Variants in GNB5 observed in about 807,000 individuals in gnomAD.
The protein encoded by GNB5 is guanine nucleotide-binding protein subunit beta-5.
A neutral mutation model predicts 55.3 loss-of-function variants in GNB5; 37 were observed. That is an observed-to-expected ratio of 0.67 (90% CI 0.51 to 0.88). GNB5 has a LOEUF of 0.88. GNB5 is among the 40% of genes least tolerant of loss of function. GNB5 has a pLI of 0.00. For synonymous variants in GNB5, 219 were observed against 198.5 expected (o/e 1.10, Z -0.87); for missense variants, 476 against 515.3 (o/e 0.92, Z 0.74).
At chr15:52,128,931 C>A in intron 9 of GNB5, 3 of 323,790 alleles carry the variant, frequency 9.3e-6, no homozygotes, top group Non-Finnish European at 1.8e-5. Context: ...CAGCTGTGTT[C>A]CCCACACCTT....
At position 52,149,938 on chromosome 15, in the gene GNB5, G is replaced by A. The variant is rs1422441798; in HGVS notation, c.376-13C>T. The A allele has an allele frequency of 2.5e-6, 4 of 1,604,144 alleles. No individual in the cohort carries two copies. In the Admixed American group the frequency reaches 5.0e-5, roughly 20 times the overall value. On this transcript the variant is annotated splice_polypyrimidine_tract_variant and intron_variant, in intron 4 of 12. Transcript: ENST00000261837. ...TCACCTTCCCATCCTGGAGGGAGAA[G>A]AGCAAACAGTTTAGGGGTTGTCAAG...
At chr15:52,183,588 G>C (rs1190587720) in intron 2 of GNB5, among the ~76,000 whole-genome samples, 1 of 152,182 alleles carries the variant, frequency 6.6e-6, no homozygotes, top group Non-Finnish European at 1.5e-5. Flanking sequence ...GGTTACAGTG[G>C]AATCAGGAGG....
chr15:52,185,506 G>C (rs1280665122), intron 1 of GNB5, among the ~76,000 whole-genome samples: 3 of 152,148 alleles, frequency 2.0e-5, no homozygotes, highest in African/African-American at 7.2e-5. Context: ...AGCAATAGCG[G>C]GAACAGTGGC....
intron 7 of GNB5, 137 bp from the exon 8 acceptor site, chr15:52,135,893 A>ACACACACACACACACACACACACACC (rs1431967062): frequency 3.0e-6 from 2 of 670,716 alleles, no homozygotes; most frequent in African/African-American, 4.2e-5. Flanking sequence ...ACACACACAC[A>ACACACACACACACACACACACACACC]CCCTACCTGC....
At chr15:52,173,809 A>G (rs972110959) in intron 3 of GNB5, among the ~76,000 whole-genome samples, 23 of 152,172 alleles carry the variant, frequency 1.5e-4, no homozygotes, top group African/African-American at 5.6e-4. Flanking sequence ...TCTATAAGGG[A>G]CAGGGCTGTT....
At chr15:52,174,858 G>T (rs576642374) in intron 3 of GNB5, among the ~76,000 whole-genome samples, 13 of 152,146 alleles carry the variant, frequency 8.5e-5, no homozygotes, top group African/African-American at 3.1e-4. Flanking sequence ...GAGGCGGGTG[G>T]ATCACCTAAA....
At chr15:52,149,832 A>C in intron 5 of GNB5, 52 bp downstream of exon 5, 2 of 1,386,202 alleles carry the variant, frequency 1.4e-6, no homozygotes, top group Non-Finnish European at 2.1e-6. Flanking sequence ...AGCACCTTTA[A>C]GTAGGCTGGG....
In GNB5 at chr15:52,179,884, G is replaced by A. The variant is rs775197415; in HGVS notation, c.127-5C>T. 1.3e-6 allele frequency: 2 copies of A among 1,528,048 alleles called. No homozygotes were observed. The highest frequency in any genetic ancestry group is 2.0e-5 in the Admixed American group (1 of 50,004). 94.7% of individuals were successfully genotyped at this position (1,528,048 alleles called of 1,614,324 possible). On this transcript the variant is annotated splice_region_variant and splice_polypyrimidine_tract_variant and intron_variant, in intron 2 of 12. Coordinates refer to ENST00000261837, the MANE Select transcript of GNB5 (RefSeq NM_016194.4). ...GTGCAGCCCCTCGGTTGCCATCTTC[G>A]CGCGGGGACGCAGCGGAGAGGGAAG...
At chr15:52,125,787 C>G in intron 11 of GNB5, 161 bp downstream of exon 11, 1 of 590,658 alleles carries the variant, frequency 1.7e-6, no homozygotes, top group Admixed American at 2.9e-5. Context: ...AGTGGGAGGT[C>G]AGAAGCTCAG....
chr15:52,154,155 G>A, intron 3 of GNB5, 79 bp from the exon 4 acceptor site: 4 of 1,397,196 alleles, frequency 2.9e-6, no homozygotes, highest in Non-Finnish European at 3.9e-6. Flanking sequence ...ACAGACATAT[G>A]TTCCGCAGAG....
At chr15:52,154,113 G>A (rs1376861492) in intron 3 of GNB5, 37 bp from the exon 4 acceptor site, 2 of 1,603,282 alleles carry the variant, frequency 1.2e-6, no homozygotes, top group African/African-American at 2.7e-5. Flanking sequence ...CCCTTGCTAA[G>A]GACCAGGTTC....
intron 10 of GNB5, among the ~76,000 whole-genome samples, chr15:52,126,773 C>A (rs749185778): frequency 2.0e-5 from 3 of 152,018 alleles, no homozygotes; most frequent in Non-Finnish European, 4.4e-5. Context: ...AATAGCATGA[C>A]CAGATCAGAA....
chr15:52,155,479 T>TAACCA (rs1865050331), intron 3 of GNB5, among the ~76,000 whole-genome samples: 1 of 152,156 alleles, frequency 6.6e-6, no homozygotes, highest in South Asian at 2.1e-4. Context: ...CTCTCTTAAA[T>TAACCA]AACCAAAGTG....
chr15:52,151,038 G>A (rs1417938339), intron 4 of GNB5, among the ~76,000 whole-genome samples: 1 of 152,244 alleles, frequency 6.6e-6, no homozygotes, highest in African/African-American at 2.4e-5. Flanking sequence ...ACATTTCTGT[G>A]TTAATGCCAT....
In GNB5 at chr15:52,157,898, T is replaced by TAA. The variant is rs34439773; in HGVS notation, c.239-3824_239-3823dup. 4.1e-4 allele frequency among the ~76,000 whole-genome samples: 61 copies of TAA among 147,492 alleles called. 1 individual carries two copies. Among genetic ancestry groups the TAA allele is most frequent in the African/African-American group, 9.2e-4 (37 of 40,212 alleles). On this transcript the variant is annotated intron_variant, in intron 3 of 12. Transcript: ENST00000261837. Reference sequence around the variant, plus strand: ...TTTTAAAAATTAAACATTAGGAAGTTAAAAAAAAAAAGACCTGGAAATGAG... The same window carrying TAA: ...TTTTAAAAATTAAACATTAGGAAGTTAAAAAAAAAAAAAGACCTGGAAATGAG...
rs116015861 is a variant in GNB5, at chr15:52,149,807, G to A, written c.417+77C>T. The A allele has an allele frequency of 1.5e-3, 1,577 of 1,047,058 alleles. 14 individuals carry two copies. In the African/African-American group the frequency reaches 0.017, roughly 12 times the overall value. The allele number at this position is 1,047,058 out of a possible 1,614,324, so 64.9% of individuals were successfully genotyped here. ...CATGGAGAGAAATCAGGACAGGGCC[G>A]GGCAGCTGGACCAGAGCACCTTTAA... is the stretch of plus-strand genomic sequence containing the variant. On this transcript the variant is annotated intron_variant, in intron 5 of 12. Coordinates refer to ENST00000261837, the MANE Select transcript of GNB5 (RefSeq NM_016194.4).
At chr15:52,124,431 TCTC>T in intron 12 of GNB5, 39 bp downstream of exon 12, 1 of 1,529,216 alleles carries the variant, frequency 6.5e-7, no homozygotes, top group Non-Finnish European at 9.0e-7. Context: ...ACCAGTCCTC[TCTC>T]CTCTCACACA....
At chr15:52,177,028 CTTTTTTT>C (rs545411940) in intron 3 of GNB5, among the ~76,000 whole-genome samples, 6 of 77,820 alleles carry the variant, frequency 7.7e-5, no homozygotes, top group African/African-American at 3.0e-4. Context: ...CTAGCTCCTC[CTTTTTTT>C]TTTTTTTTTT....
chr15:52,124,521 G>C lies in GNB5; in HGVS notation c.1128C>G (p.Ser376=). The change falls in exon 12 of 13, where the codon TCC becomes TCG. Residue 376 remains serine, a synonymous_variant. Coordinates refer to ENST00000261837, the MANE Select transcript of GNB5 (RefSeq NM_016194.4). ...CAGAGCAGAAAGCAGTCCCATCGGG[G>C]GAAACTCGTAGAGTGCTAACGCGGT... ...HENRVSTLRV[S]PDGTAFCSGS... is the part of the protein sequence containing the mutation. 6.2e-7 allele frequency: 1 copy of C among 1,613,974 alleles called. No individual in the cohort carries two copies. Among genetic ancestry groups the C allele is most frequent in the Non-Finnish European group, 8.5e-7 (1 of 1,179,832 alleles).
Sources: allele counts gnomAD v4.1 joint callset (sites outside exome capture counted in the v4.1 genomes callset), GRCh38; gene constraint gnomAD v4.1.1; transcripts MANE v1.5; gene names NCBI Gene and HGNC (gene_info 2026-07-23, HGNC 2026-07-21).